SNX5: variants seen among roughly 807,000 people sequenced by gnomAD.
The protein encoded by SNX5 is sorting nexin 5.
Under a neutral mutation model 53.9 loss-of-function variants are expected in SNX5, and 31 were observed. The observed-to-expected ratio is 0.58, with a 90% CI of 0.43 to 0.78. The LOEUF (loss-of-function observed/expected upper bound fraction) is 0.78. Ranked by LOEUF, SNX5 falls within the 30% of genes least tolerant of loss-of-function variation. SNX5 has a pLI of 0.00. For missense variants in SNX5, 471 were observed against 478.8 expected (o/e 0.98, Z 0.15); for synonymous variants, 168 against 171.1 (o/e 0.98, Z 0.14).
chr20:17,946,714 T>C (rs750867049), intron 11 of SNX5, among the ~76,000 whole-genome samples: 16 of 152,320 alleles, frequency 1.1e-4, no homozygotes, highest in Non-Finnish European at 2.4e-4. Context: ...CATTAATACA[T>C]GCTAAACCTA....
intron 1 of SNX5, chr20:17,962,942 TTC>T: frequency 1.9e-6 from 1 of 515,922 alleles, no homozygotes; most frequent in Non-Finnish European, 3.9e-6. Flanking sequence ...GAATCATCAT[TTC>T]ACAAGGCTGC....
intron 6 of SNX5, among the ~76,000 whole-genome samples, chr20:17,950,826 A>C (rs1484235938): frequency 1.3e-5 from 2 of 152,214 alleles, no homozygotes; most frequent in Non-Finnish European, 2.9e-5. Context: ...CCCATAATGC[A>C]TGGATACAGG....
chr20:17,952,510 C>G (rs1357915771), intron 5 of SNX5, 77 bp downstream of exon 5: 2 of 1,369,826 alleles, frequency 1.5e-6, no homozygotes, highest in Middle Eastern at 2.5e-4. Context: ...AACTTTAAAG[C>G]AGTAGAAACT....
intron 9 of SNX5, 34 bp from the exon 10 acceptor site, chr20:17,949,010 G>A: frequency 6.2e-7 from 1 of 1,607,416 alleles, no homozygotes; most frequent in Non-Finnish European, 8.5e-7. Flanking sequence ...CATCAAGGCA[G>A]AAAGCTATAG....
intron 4 of SNX5, 120 bp downstream of exon 4, chr20:17,953,876 G>A: frequency 1.3e-6 from 1 of 786,972 alleles, no homozygotes; most frequent in South Asian, 1.7e-5. Flanking sequence ...ACGACGCTAG[G>A]GACCTAATTA....
At chr20:17,956,696 AAAAAAAAAC>A (rs2035365153) in intron 2 of SNX5, among the ~76,000 whole-genome samples, 5 of 128,830 alleles carry the variant, frequency 3.9e-5, no homozygotes, top group South Asian at 2.5e-4. Flanking sequence ...AAAAAAAAAA[AAAAAAAAAC>A]AAAAAAACAA....
At chr20:17,950,430 T>C (rs775482043) in intron 6 of SNX5, 34 bp from the exon 7 acceptor site, 1 of 1,168,980 alleles carries the variant, frequency 8.6e-7, no homozygotes, top group South Asian at 1.3e-5. Flanking sequence ...AGACATTTCA[T>C]GAAATATACT....
At chr20:17,952,454 A>C (rs2039583601) in intron 5 of SNX5, 133 bp downstream of exon 5, 2 of 866,540 alleles carry the variant, frequency 2.3e-6, no homozygotes, top group Admixed American at 6.7e-5. Context: ...CTTACAATGA[A>C]GGAAAAGCAG....
Position 17,968,497 on chromosome 20 carries a change from G to T in SNX5, c.-72C>A. The T allele has an allele frequency of 8.0e-7, 1 of 1,256,684 alleles. No homozygotes were observed. The highest frequency in any genetic ancestry group is 1.0e-6 in the Non-Finnish European group (1 of 989,064). 77.8% of individuals were successfully genotyped at this position (1,256,684 alleles called of 1,614,324 possible). On this transcript the variant is annotated 5_prime_UTR_variant, in exon 1 of 13. Coordinates refer to ENST00000377759, the MANE Select transcript of SNX5 (RefSeq NM_014426.4). Reference sequence around the variant, plus strand: ...AAGAAGCTGGGCCGCCGCCGCCGCCGCCTGGGCGCCTCTCGGGGGCGGCCA... The same window carrying T: ...AAGAAGCTGGGCCGCCGCCGCCGCCTCCTGGGCGCCTCTCGGGGGCGGCCA...
At chr20:17,949,234 T>C (rs1238020227) in intron 8 of SNX5, 131 bp from the exon 9 acceptor site, 1 of 731,496 alleles carries the variant, frequency 1.4e-6, no homozygotes, top group East Asian at 2.6e-5. Context: ...AATTTAAAAG[T>C]AGTGCTCTCA....
At chr20:17,967,439 T>C (rs2295457) in intron 1 of SNX5, among the ~76,000 whole-genome samples, 38,453 of 152,134 alleles carry the variant, frequency 0.25, 5,531 homozygotes, top group East Asian at 0.44. Context: ...TCCAGCCGCT[T>C]TGAAACTCTG....
chr20:17,962,717 G>C, intron 1 of SNX5: 1 of 518,732 alleles, frequency 1.9e-6, no homozygotes, highest in Non-Finnish European at 3.8e-6. Flanking sequence ...CAAGTGATCA[G>C]ATTTTCACCA....
intron 1 of SNX5, chr20:17,961,009 A>C (rs1055261130): frequency 2.9e-5 from 12 of 410,712 alleles, no homozygotes; most frequent in African/African-American, 2.6e-4. Context: ...CCTTCACGGT[A>C]AACAAGCACG....
intron 1 of SNX5, among the ~76,000 whole-genome samples, chr20:17,966,228 T>A (rs1231001483): frequency 1.3e-5 from 2 of 151,876 alleles, no homozygotes; most frequent in Non-Finnish European, 1.5e-5. Context: ...TCCACAAAAA[T>A]ACAAAAATTA....
chr20:17,953,776 G>A (rs932256265), intron 4 of SNX5, among the ~76,000 whole-genome samples: 5 of 151,960 alleles, frequency 3.3e-5, no homozygotes, highest in African/African-American at 1.2e-4. Flanking sequence ...ACTCTATCGG[G>A]TATTAGTGTC....
At chr20:17,944,337 A>C (rs953762985) in intron 11 of SNX5, 1 of 152,180 alleles carries the variant, frequency 6.6e-6, no homozygotes, top group Non-Finnish European at 1.5e-5. Context: ...ACTGAAAAAA[A>C]TGAAAGATGT....
At position 17,942,395 on chromosome 20, in the gene SNX5, G is replaced by A. The variant is rs1198629369; in HGVS notation, c.1177C>T (p.Leu393Phe). 4 of 1,611,132 alleles carry A rather than the reference G, an allele frequency of 2.5e-6. No individual in the cohort carries two copies. The highest frequency in any genetic ancestry group is 1.3e-5 in the African/African-American group (1 of 74,776). Residue 393 changes from leucine (L) to phenylalanine (F), a missense_variant, in exon 13 of 13, where the codon CTT becomes TTT. Coordinates refer to ENST00000377759, the MANE Select transcript of SNX5 (RefSeq NM_014426.4). Reference sequence around the variant, plus strand: ...AACAAGTCAATACAGCTCTGCAAAAGGGAGACATTGTTCTGTGGGGAAAAA... The same window carrying A: ...AACAAGTCAATACAGCTCTGCAAAAAGGAGACATTGTTCTGTGGGGAAAAA... Reference protein sequence around the residue: ...EIKHARNNVSLLQSCIDLFKN... With the variant: ...EIKHARNNVSFLQSCIDLFKN...
At chr20:17,964,712 G>A (rs533527018) in intron 1 of SNX5, among the ~76,000 whole-genome samples, 9 of 152,206 alleles carry the variant, frequency 5.9e-5, no homozygotes, top group African/African-American at 1.7e-4. Flanking sequence ...TTGTGACCAC[G>A]GGCTATTTAA....
At chr20:17,961,917 A>T (rs1384900593) in intron 1 of SNX5, 1 of 984,692 alleles carries the variant, frequency 1.0e-6, no homozygotes, top group African/African-American at 1.7e-5. Flanking sequence ...GTTAAGTGAG[A>T]ATATAAAATT....
Sources: gnomAD v4.1 joint callset for allele counts (sites outside exome capture counted in the v4.1 genomes callset) on GRCh38, gnomAD v4.1.1 for gene constraint, MANE v1.5 for transcripts, NCBI Gene and HGNC (gene_info 2026-07-23, HGNC 2026-07-21) for gene names.